DUOX2: variants seen among roughly 807,000 people sequenced by gnomAD.
DUOX2 encodes the protein NADH/NADPH thyroid oxidase p138-tox.
DUOX2 carries 185 observed loss-of-function variants against 183.3 expected under a neutral mutation model. The ratio of observed to expected loss-of-function variants is 1.01; its 90% CI spans 0.90 to 1.14. The LOEUF is 1.14. Ranked by LOEUF, DUOX2 falls within the 50% of genes most tolerant of loss-of-function variation. The probability of loss-of-function intolerance (pLI) is 0.00; values close to 1 mark genes in which losing one functional copy is unlikely to be tolerated. For synonymous variants in DUOX2, 788 were observed against 812.4 expected, an observed-to-expected ratio of 0.97 and a Z score of 0.51; for missense variants, 1,999 against 2,022.9, an observed-to-expected ratio of 0.99 and a Z score of 0.23.
In DUOX2 at chr15:45,113,953, ATC is replaced by A. The variant is rs1198068696; in HGVS notation, c.-15+18_-15+19del. On this transcript the variant is annotated intron_variant, in intron 1 of 33. Coordinates refer to ENST00000389039, the MANE Select transcript of DUOX2 (RefSeq NM_001363711.2). ...CATGATGGGCGAGGGCTAGGGTCAG[ATC>A]CCAAACTCTGGTCTAACCTGTGGTT... The A allele has an allele frequency of 1.6e-5, 3 of 192,584 alleles. No individual in the cohort carries two copies. Among genetic ancestry groups the A allele is most frequent in the Admixed American group, 5.3e-5 (1 of 18,880 alleles). 11.9% of individuals were successfully genotyped at this position (192,584 alleles called of 1,614,324 possible).
chr15:45,109,585 C>T lies in DUOX2; in HGVS notation c.1173G>A (p.Leu391=), dbSNP rs748853859. The T allele has an allele frequency of 9.3e-6, 15 of 1,614,150 alleles. No homozygotes were observed. The South Asian group carries it at 1.5e-4, about 17-fold the overall frequency. Residue 391 remains leucine (L), a synonymous_variant, in exon 11 of 34, where the codon CTG becomes CTA. Coordinates refer to ENST00000389039, the MANE Select transcript of DUOX2 (RefSeq NM_001363711.2). ...LNSTQEVNEL[L]LGMASQISEL... is the part of the protein sequence containing the mutation. The stretch of plus-strand genomic sequence containing the variant: ...CCGAAATCTGGGAGGCCATTCCCAG[C>T]AGCAGCTCATTCACCTCCTGGGTAC...
In DUOX2 at chr15:45,093,613, T is replaced by G. The variant is rs1011468526; in HGVS notation, c.*537A>C. On this transcript the variant is annotated 3_prime_UTR_variant, in exon 34 of 34. Transcript: ENST00000389039. The stretch of plus-strand genomic sequence containing the variant: ...TCTGCACTGGGCTCTGAGGAGATTC[T>G]CAGCCAGAGGATCCCAGCCTCCTCC... The G allele has an allele frequency of 2.3e-5, 4 of 172,424 alleles. No homozygotes were observed. The highest frequency in any genetic ancestry group is 5.0e-5 in the Non-Finnish European group (4 of 79,646). The allele number at this position is 172,424 out of a possible 1,614,324, so 10.7% of individuals were successfully genotyped here. A position where few individuals can be genotyped will look rare whatever the true frequency, so the allele number is the denominator to read the frequency against.
chr15:45,108,342 C>T (rs1894284998), intron 12 of DUOX2, 120 bp from the exon 13 acceptor site: 2 of 1,235,350 alleles, frequency 1.6e-6, no homozygotes, highest in African/African-American at 3.0e-5. Flanking sequence ...GGCCTGATTT[C>T]CTCTTCTTAG....
chr15:45,097,828 T>C, intron 27 of DUOX2, 87 bp from the exon 28 acceptor site: 4 of 1,604,562 alleles, frequency 2.5e-6, no homozygotes, highest in Non-Finnish European at 1.7e-6. Context: ...TATCCTTCCC[T>C]CCTTCCTCTC....
In DUOX2 at chr15:45,104,073, T is replaced by G. The variant is rs777452627; in HGVS notation, c.2561-20A>C. The G allele has an allele frequency of 6.2e-7, 1 of 1,614,102 alleles. No homozygotes were observed. Among genetic ancestry groups the G allele is most frequent in the Non-Finnish European group, 8.5e-7 (1 of 1,179,990 alleles). ...GGGAGCCTGGGAAGAAAAAAGGGAATGCAGGTCATCTCCTTGCTGAAAGAC... is the reference window on the plus strand; with the variant it reads ...GGGAGCCTGGGAAGAAAAAAGGGAAGGCAGGTCATCTCCTTGCTGAAAGAC... On this transcript the variant is annotated intron_variant, in intron 19 of 33. Coordinates refer to ENST00000389039, the MANE Select transcript of DUOX2 (RefSeq NM_001363711.2).
chr15:45,101,465 G>T, intron 21 of DUOX2, 191 bp from the exon 22 acceptor site: 1 of 665,168 alleles, frequency 1.5e-6, no homozygotes, highest in Non-Finnish European at 2.7e-6. Flanking sequence ...ACAAGAAAGG[G>T]GACATCCTCT....
intron 14 of DUOX2, 104 bp from the exon 15 acceptor site, chr15:45,107,073 C>G: frequency 6.7e-7 from 1 of 1,485,048 alleles, no homozygotes; most frequent in South Asian, 1.2e-5. Flanking sequence ...ATCTGTCTTC[C>G]CCAGGCCCAC....
In DUOX2 at chr15:45,108,794, G is replaced by T. The variant is rs774177514; in HGVS notation, c.1393C>A (p.Pro465Thr). Residue 465 changes from proline (P) to threonine (T), a missense_variant, in exon 12 of 34, where the codon CCC becomes ACC. Transcript: ENST00000389039. ...NWSDLNPNVD[P>T]QVLEATAALY... is the part of the protein sequence containing the mutation. ...TTATCATTACTATTCCTGACCTGGG[G>T]GTCCACATTAGGGTTGAGATCACTC... 1.2e-6 allele frequency: 2 copies of T among 1,614,068 alleles called. No homozygotes were observed. The highest frequency in any genetic ancestry group is 1.3e-5 in the African/African-American group (1 of 74,920).
Position 45,112,575 on chromosome 15 carries a change from T to G in DUOX2, c.304A>C (p.Thr102Pro). 1 of 1,612,958 alleles carries G rather than the reference T, an allele frequency of 6.2e-7. No homozygotes were observed. Among genetic ancestry groups the G allele is most frequent in the Non-Finnish European group, 8.5e-7 (1 of 1,179,732 alleles). Residue 102 changes from threonine (T) to proline (P), a missense_variant, in exon 4 of 34, where the codon ACC (threonine) becomes CCC (proline). Transcript: ENST00000389039. ...TCACCAAAGAAGACCCCCAGTACGG[T>G]GCGGTTGTGGAGCGACGGCAGGCCG... Reference protein sequence around the residue: ...IAGLPSLHNRTVLGVFFGYHV... With the variant: ...IAGLPSLHNRPVLGVFFGYHV...
rs759900951 is a variant in DUOX2 at position 45,111,552 on chromosome 15, C to A, written c.547G>T (p.Ala183Ser). Residue 183 changes from alanine to serine, a missense_variant, in exon 6 of 34, where the codon GCC (alanine) becomes TCC (serine). Coordinates refer to ENST00000389039, the MANE Select transcript of DUOX2 (RefSeq NM_001363711.2). ...NQVTGWLDGS[A>S]IYGSSHSWSD... ...CAGGAGTGCGAGGAGCCATAGATGGCGCTGCCGTCCAGCCAGCCCGTCACC... is the reference window on the plus strand; with the variant it reads ...CAGGAGTGCGAGGAGCCATAGATGGAGCTGCCGTCCAGCCAGCCCGTCACC... 1.9e-6 allele frequency: 3 copies of A among 1,551,222 alleles called. No individual in the cohort carries two copies. Among genetic ancestry groups the A allele is most frequent in the Non-Finnish European group, 2.6e-6 (3 of 1,152,354 alleles).
At chr15:45,108,762 G>A (rs371140407) in intron 12 of DUOX2, 27 bp downstream of exon 12, 55 of 1,612,600 alleles carry the variant, frequency 3.4e-5, no homozygotes, top group Middle Eastern at 1.6e-4. Flanking sequence ...AGCTTTAGCT[G>A]CCATTATTAT....
At chr15:45,108,523 C>G in intron 12 of DUOX2, 1 of 604,454 alleles carries the variant, frequency 1.7e-6, no homozygotes, top group Non-Finnish European at 2.9e-6. Context: ...GACCCTGCAG[C>G]AACAGGACAA....
At position 45,113,029 on chromosome 15, in the gene DUOX2, C is replaced by A. The variant is rs944868080; in HGVS notation, c.118G>T (p.Gly40Cys). Reference protein sequence around the residue: ...SLPWEVQRYDGWFNNLRHHER... With the variant: ...SLPWEVQRYDCWFNNLRHHER... ...TGGTGCCTCAGGTTGTTAAACCAGC[C>A]GTCATAGCGCTGCACTTCCCAGGGC... The change falls in exon 3 of 34, where the codon GGC becomes TGC. Residue 40 changes from glycine (G) to cysteine (C), a missense_variant. Gly to Cys is a radical substitution (Grantham distance 159). Transcript: ENST00000389039. The A allele has an allele frequency of 6.2e-7, 1 of 1,613,898 alleles. No individual in the cohort carries two copies. The highest frequency in any genetic ancestry group is 2.2e-5 in the East Asian group (1 of 44,886).
intron 27 of DUOX2, 99 bp from the exon 28 acceptor site, chr15:45,097,840 C>A (rs759843191): frequency 1.2e-6 from 2 of 1,601,076 alleles, no homozygotes; most frequent in Non-Finnish European, 8.5e-7. Flanking sequence ...CTTCCTCTCT[C>A]ATCCCTCCGG....
At position 45,106,729 on chromosome 15, in the gene DUOX2, G is replaced by A. The variant is rs542053735; in HGVS notation, c.1832-88C>T. The A allele has an allele frequency of 1.0e-4, 165 of 1,609,962 alleles. 2 individuals are homozygous for A. The South Asian group carries it at 1.8e-3, about 17-fold the overall frequency. ...AGGCTATGGCCCCTCCCTTCCAGAGGTTCCTTGAGCCTGGTCTCAAACGGT... is the reference window on the plus strand; with the variant it reads ...AGGCTATGGCCCCTCCCTTCCAGAGATTCCTTGAGCCTGGTCTCAAACGGT... On this transcript the variant is annotated intron_variant, in intron 15 of 33. Coordinates refer to ENST00000389039, the MANE Select transcript of DUOX2 (RefSeq NM_001363711.2).
rs138970496 is a variant in DUOX2, at chr15:45,111,926, C to A, written c.355G>T (p.Val119Leu). 1.6e-4 allele frequency: 266 copies of A among 1,613,566 alleles called. No homozygotes were observed. Among genetic ancestry groups the A allele is most frequent in the Non-Finnish European group, 2.2e-4 (254 of 1,180,012 alleles). Residue 119 changes from valine (V) to leucine (L), a missense_variant, in exon 5 of 34, where the codon GTG (valine) becomes TTG (leucine). Val to Leu is a conservative substitution (Grantham distance 32). Coordinates refer to ENST00000389039, the MANE Select transcript of DUOX2 (RefSeq NM_001363711.2). ...TCGGCGGGGCAACCGGGCGTTTCCACGCTCACCACGTCGGAAAGAACATGG... is the reference window on the plus strand; with the variant it reads ...TCGGCGGGGCAACCGGGCGTTTCCAAGCTCACCACGTCGGAAAGAACATGG... ...GYHVLSDVVSVETPGCPAEFL... is the reference protein window; with the variant it reads ...GYHVLSDVVSLETPGCPAEFL...
intron 2 of DUOX2, 35 bp from the exon 3 acceptor site, chr15:45,113,111 G>T (rs778469926): frequency 2.5e-6 from 4 of 1,598,090 alleles, no homozygotes; most frequent in Non-Finnish European, 2.6e-6. Context: ...TCAGCACTAC[G>T]CTCCCAGCTA....
In DUOX2 at chr15:45,106,134, C is replaced by T. The variant is rs541614150; in HGVS notation, c.2139G>A (p.Glu713=). 5.1e-5 allele frequency: 83 copies of T among 1,614,198 alleles called. No individual in the cohort carries two copies. The South Asian group carries it at 8.9e-4, about 17-fold the overall frequency. ...CRTLLLKIPK[E]YDLVLLFSSE... ...GCAGGACGAGCCATACCAGGTCATA[C>T]TCCTTAGGGATCTTGAGCAGCAGGG... is the stretch of plus-strand genomic sequence containing the variant. Residue 713 remains glutamate, a synonymous_variant, in exon 17 of 34, where the codon GAG becomes GAA. Coordinates refer to ENST00000389039, the MANE Select transcript of DUOX2 (RefSeq NM_001363711.2).
rs755249989 is a variant in DUOX2 at position 45,094,254 on chromosome 15, A to G, written c.4543T>C (p.Phe1515Leu). 20 of 1,613,980 alleles carry G rather than the reference A, an allele frequency of 1.2e-5. No homozygotes were observed. The highest frequency in any genetic ancestry group is 5.0e-5 in the Admixed American group (3 of 60,000). ...VHPQVRKIGV[F>L]SCGPPGMTKN... ...GTCATTCCTGGAGGGCCGCAGCTGA[A>G]CACCCCGATCTTGCGCACCTGTCAG... Residue 1515 changes from phenylalanine to leucine, a missense_variant, in exon 34 of 34, where the codon TTC becomes CTC. Phe to Leu is a conservative substitution (Grantham distance 22, BLOSUM62 0). Coordinates refer to ENST00000389039, the MANE Select transcript of DUOX2 (RefSeq NM_001363711.2).
Sources: allele counts gnomAD v4.1 joint callset, GRCh38; gene constraint gnomAD v4.1.1; transcripts MANE v1.5; gene names NCBI Gene and HGNC (gene_info 2026-07-23, HGNC 2026-07-21).